HMGCLL1: variants seen among roughly 807,000 people sequenced by gnomAD.
HMGCLL1 encodes 3-hydroxymethyl-3-methylglutaryl-CoA lyase, cytoplasmic.
In HMGCLL1, 36 loss-of-function variants were observed where a neutral mutation model predicts 39.1. The observed-to-expected ratio is 0.92, with a 90% CI of 0.71 to 1.22. The LOEUF (loss-of-function observed/expected upper bound fraction) is 1.22, where lower values mean the gene tolerates loss of function less well. Among genes scored for constraint, HMGCLL1 ranks in the 50% most tolerant of loss-of-function variants. The probability of loss-of-function intolerance (pLI) is 0.00; values close to 1 mark genes in which losing one functional copy is unlikely to be tolerated. For missense variants in HMGCLL1, 451 were observed against 416.5 expected (o/e 1.08, Z -0.72); for synonymous variants, 149 against 144.0 (o/e 1.03, Z -0.25).
chr6:55,520,359 T>C (rs559783227), intron 3 of HMGCLL1, among the ~76,000 whole-genome samples: 7 of 151,980 alleles, frequency 4.6e-5, no homozygotes, highest in Admixed American at 2.6e-4. Context: ...TCACTGAAGG[T>C]ATCTTAATAA....
Position 55,577,171 on chromosome 6 carries a change from G to T in HMGCLL1, c.108+1777C>A, listed in dbSNP as rs577458200. The T allele has an allele frequency of 5.2e-4, 819 of 1,573,224 alleles. 12 individuals carry two copies. In the South Asian group the frequency reaches 8.9e-3, roughly 17 times the overall value. ...GAAGGTTTGTTAGAAGAGAAGTCTA[G>T]GAAGATAAAGTTCAAAAAGCCAAGT... On this transcript the variant is annotated intron_variant, in intron 1 of 8. Transcript: ENST00000274901.
chr6:55,582,763 GA>G (rs1299474844), upstream of HMGCLL1, among the ~76,000 whole-genome samples: 1 of 151,994 alleles, frequency 6.6e-6, no homozygotes, highest in African/African-American at 2.4e-5. Context: ...ATTTCAGAGA[GA>G]AAAAATTAAT....
intron 1 of HMGCLL1, chr6:55,563,773 TC>T: frequency 1.3e-6 from 1 of 741,134 alleles, no homozygotes; most frequent in Non-Finnish European, 2.0e-6. Flanking sequence ...TATTTTATTC[TC>T]CTTTCAAACA....
At chr6:55,646,522 G>A in the HMGCLL1 span, among the ~76,000 whole-genome samples, 1 of 151,698 alleles carries the variant, frequency 6.6e-6, no homozygotes, top group Admixed American at 6.6e-5. Context: ...TTTGATGCAA[G>A]TGCTTACAAC....
chr6:55,649,654 C>T, the HMGCLL1 span, among the ~76,000 whole-genome samples: 3 of 151,838 alleles, frequency 2.0e-5, no homozygotes, highest in East Asian at 1.9e-4. Flanking sequence ...TGATATTATC[C>T]GTTTGAATAA....
the HMGCLL1 span, among the ~76,000 whole-genome samples, chr6:55,597,708 T>C: frequency 2.6e-5 from 4 of 152,078 alleles, no homozygotes; most frequent in African/African-American, 9.7e-5. Context: ...GCTAAGGGCT[T>C]AAAGTTCCAA....
intron 3 of HMGCLL1, among the ~76,000 whole-genome samples, chr6:55,541,106 G>A (rs1193451517): frequency 6.6e-6 from 1 of 152,076 alleles, no homozygotes; most frequent in Non-Finnish European, 1.5e-5. Flanking sequence ...TGTTTTACTG[G>A]TTGCTAATTA....
intron 7 of HMGCLL1, 21 bp from the exon 8 acceptor site, chr6:55,439,580 C>T (rs773373401): frequency 1.2e-6 from 2 of 1,608,140 alleles, no homozygotes; most frequent in Non-Finnish European, 1.7e-6. Flanking sequence ...AACCAAACCA[C>T]CTAAAGCTTG....
At chr6:55,594,739 G>A in the HMGCLL1 span, among the ~76,000 whole-genome samples, 2 of 152,220 alleles carry the variant, frequency 1.3e-5, no homozygotes, top group African/African-American at 4.8e-5. Flanking sequence ...TGCCCTGATG[G>A]TCCCTTGGTT....
chr6:55,490,637 T>C (rs1445995891), intron 7 of HMGCLL1, among the ~76,000 whole-genome samples: 1 of 152,108 alleles, frequency 6.6e-6, no homozygotes, highest in Non-Finnish European at 1.5e-5. Context: ...CTTATTACAG[T>C]AGAATCAGAA....
At chr6:55,571,777 C>A (rs1279100933) in intron 1 of HMGCLL1, among the ~76,000 whole-genome samples, 1 of 151,928 alleles carries the variant, frequency 6.6e-6, no homozygotes, top group African/African-American at 2.4e-5. Flanking sequence ...CCACTGCACT[C>A]CAGCCTGGGT....
chr6:55,506,841 G>A (rs1393821787), intron 5 of HMGCLL1, among the ~76,000 whole-genome samples: 2 of 150,516 alleles, frequency 1.3e-5, no homozygotes, highest in Non-Finnish European at 1.5e-5. Context: ...AACTTAAAAA[G>A]AAAAAAAAAA....
chr6:55,675,163 G>T, the HMGCLL1 span, among the ~76,000 whole-genome samples: 1 of 152,080 alleles, frequency 6.6e-6, no homozygotes, highest in Non-Finnish European at 1.5e-5. Context: ...AAGGTAGAAT[G>T]CAATCACTGG....
chr6:55,609,516 A>G, the HMGCLL1 span, among the ~76,000 whole-genome samples: 1 of 151,920 alleles, frequency 6.6e-6, no homozygotes, highest in South Asian at 2.1e-4. Context: ...CAGGGACAGA[A>G]CTCTGATCTC....
At chr6:55,624,089 G>A in the HMGCLL1 span, among the ~76,000 whole-genome samples, 1 of 152,056 alleles carries the variant, frequency 6.6e-6, no homozygotes, top group East Asian at 1.9e-4. Flanking sequence ...CTTTTCCCCA[G>A]TGCATGCTTA....
intron 1 of HMGCLL1, among the ~76,000 whole-genome samples, chr6:55,553,151 C>CTA (rs1348874787): frequency 1.2e-5 from 1 of 83,468 alleles, no homozygotes; most frequent in East Asian, 3.2e-4. Flanking sequence ...CTCTCTCTCT[C>CTA]TCTCTCTCTA....
chr6:55,514,736 G>A (rs201654739), intron 4 of HMGCLL1, among the ~76,000 whole-genome samples: 1 of 152,040 alleles, frequency 6.6e-6, no homozygotes, highest in East Asian at 1.9e-4. Flanking sequence ...ATACTCGTGT[G>A]TACCTAATGC....
At chr6:55,439,982 A>G (rs139342184) in intron 7 of HMGCLL1, among the ~76,000 whole-genome samples, 3 of 152,272 alleles carry the variant, frequency 2.0e-5, no homozygotes, top group African/African-American at 7.2e-5. Context: ...GCCTTAGATG[A>G]CTGGTATGTG....
At chr6:55,596,111 G>A in the HMGCLL1 span, among the ~76,000 whole-genome samples, 1 of 152,164 alleles carries the variant, frequency 6.6e-6, no homozygotes, top group African/African-American at 2.4e-5. Flanking sequence ...GATCACTTGA[G>A]GCCAGGAGTT....
Sources: gnomAD v4.1 joint callset for allele counts (sites outside exome capture counted in the v4.1 genomes callset) on GRCh38, gnomAD v4.1.1 for gene constraint, MANE v1.5 for transcripts, NCBI Gene and HGNC (gene_info 2026-07-23, HGNC 2026-07-21) for gene names.